Variants in MYL2 observed in about 807,000 individuals in gnomAD.
MYL2 encodes myosin light chain 2, also known as myosin regulatory light chain 2, ventricular/cardiac muscle isoform.
A neutral mutation model predicts 23.0 loss-of-function variants in MYL2; 19 were observed. The observed-to-expected ratio is 0.83, with a 90% confidence interval of 0.58 to 1.21. The LOEUF (loss-of-function observed/expected upper bound fraction) is 1.21. Ranked by LOEUF, MYL2 falls within the 50% of genes most tolerant of loss-of-function variation. The pLI, the probability that MYL2 is intolerant of heterozygous loss-of-function variation, is 0.00. For missense variants in MYL2, 180 were observed against 215.1 expected (o/e 0.84, Z 1.02); for synonymous variants, 78 against 76.2 (o/e 1.02, Z -0.13).
At chr12:110,920,797 C>G, upstream of MYL2, 1 of 591,288 alleles carries the variant, frequency 1.7e-6, no homozygotes, top group Non-Finnish European at 3.0e-6. Context: ...GTCATGGTCA[C>G]GGGGAGAGAT....
At chr12:110,917,526 A>G (rs544075707) in intron 2 of MYL2, among the ~76,000 whole-genome samples, 9 of 150,608 alleles carry the variant, frequency 6.0e-5, no homozygotes, top group Non-Finnish European at 1.0e-4. Flanking sequence ...CAAACAGACC[A>G]AATGGGGAAT....
chr12:110,917,573 C>A (rs1381172912), intron 2 of MYL2, among the ~76,000 whole-genome samples: 1 of 152,136 alleles, frequency 6.6e-6, no homozygotes. Context: ...CATCCCTTAC[C>A]CACACCGCCG....
At chr12:110,919,329 A>G (rs564369263) in intron 1 of MYL2, 136 bp from the exon 2 acceptor site, 52 of 687,286 alleles carry the variant, frequency 7.6e-5, no homozygotes, top group African/African-American at 7.5e-4. Context: ...CAGCATCCAC[A>G]CTCAGGTCTC....
rs1592798319 is a variant in MYL2 at position 110,910,978 on chromosome 12, A to C, written c.*99T>G. ...GGATAAATGGGGCAGCCACATGGCT[A>C]ACAGACAAGGTAGGGACAGAGGCGG... is the stretch of plus-strand genomic sequence containing the variant. On this transcript the variant is annotated 3_prime_UTR_variant, in exon 7 of 7. Coordinates refer to ENST00000228841, the MANE Select transcript of MYL2 (RefSeq NM_000432.4). 1.8e-6 allele frequency: 2 copies of C among 1,136,834 alleles called. No homozygotes were observed. The highest frequency in any genetic ancestry group is 3.4e-5 in the Admixed American group (2 of 58,736). 70.4% of individuals were successfully genotyped at this position (1,136,834 alleles called of 1,614,324 possible). A position where few individuals can be genotyped will look rare whatever the true frequency, so the allele number is the denominator to read the frequency against.
chr12:110,912,446 C>T (rs556209870), intron 6 of MYL2, among the ~76,000 whole-genome samples: 4 of 152,368 alleles, frequency 2.6e-5, no homozygotes, highest in South Asian at 2.1e-4. Context: ...CGGCCCTTCA[C>T]GCCATAATAA....
rs199474807 is a variant in MYL2, at chr12:110,915,749, G to T, written c.135C>A (p.Asp45Glu). 6.2e-7 allele frequency: 1 copy of T among 1,614,048 alleles called. No homozygotes were observed. The highest frequency in any genetic ancestry group is 1.3e-5 in the African/African-American group (1 of 74,932). ...IMDQNRDGFI[D>E]KNDLRDTFAA... ...CAAAGGTGTCTCTCAGATCGTTCTTGTCAATGAAGCCATCCCTGTTCTGGT... is the reference window on the plus strand; with the variant it reads ...CAAAGGTGTCTCTCAGATCGTTCTTTTCAATGAAGCCATCCCTGTTCTGGT... The change falls in exon 3 of 7, where the codon GAC becomes GAA. Residue 45 changes from aspartate (D) to glutamate (E), a missense_variant. Asp to Glu is a conservative substitution (Grantham distance 45). Coordinates refer to ENST00000228841, the MANE Select transcript of MYL2 (RefSeq NM_000432.4).
chr12:110,913,015 T>G, intron 6 of MYL2, 81 bp downstream of exon 6: 1 of 1,499,000 alleles, frequency 6.7e-7, no homozygotes, highest in Non-Finnish European at 9.3e-7. Flanking sequence ...CAGGGGTGCT[T>G]TAGACGAGAG....
intron 6 of MYL2, 64 bp from the exon 7 acceptor site, chr12:110,911,239 GC>G: frequency 4.0e-6 from 2 of 502,566 alleles, no homozygotes; most frequent in Non-Finnish European, 7.4e-6. Context: ...AGGGTGGGGG[GC>G]TGTGGGCGGG....
At chr12:110,920,171 C>A (rs1163515295) in intron 1 of MYL2, among the ~76,000 whole-genome samples, 2 of 152,186 alleles carry the variant, frequency 1.3e-5, no homozygotes, top group South Asian at 2.1e-4. Context: ...CAAAAACATT[C>A]TTTTTCCCAG....
intron 1 of MYL2, 136 bp from the exon 2 acceptor site, chr12:110,919,329 A>C: frequency 2.9e-6 from 2 of 687,286 alleles, no homozygotes; most frequent in Non-Finnish European, 5.0e-6. Context: ...CAGCATCCAC[A>C]CTCAGGTCTC....
At position 110,914,310 on chromosome 12, in the gene MYL2, C is replaced by A; in HGVS notation, c.170-20G>T. 1.3e-6 allele frequency: 2 copies of A among 1,565,450 alleles called. No individual in the cohort carries two copies. Among genetic ancestry groups the A allele is most frequent in the Non-Finnish European group, 1.8e-6 (2 of 1,135,736 alleles). On this transcript the variant is annotated intron_variant, in intron 3 of 6. Transcript: ENST00000228841. ...CTCGCCCTAGGGTAGGAAACACACACTCAGGGACTCCGAGCTGGGGAGAAA... is the reference window on the plus strand; with the variant it reads ...CTCGCCCTAGGGTAGGAAACACACAATCAGGGACTCCGAGCTGGGGAGAAA...
chr12:110,917,188 CT>C (rs1271517493), intron 2 of MYL2, among the ~76,000 whole-genome samples: 4 of 152,106 alleles, frequency 2.6e-5, no homozygotes, highest in Non-Finnish European at 5.9e-5. Flanking sequence ...TTATAAAGTT[CT>C]GAGAATCTCC....
chr12:110,916,275 G>C lies in MYL2; in HGVS notation c.94-485C>G, dbSNP rs536056124. Among the ~76,000 whole-genome samples the C allele has an allele frequency of 5.0e-4, 76 of 152,362 alleles. 1 individual carries two copies. The South Asian group carries it at 0.015, about 29-fold the overall frequency. ...TGCTTGAACCCAGGAGGCAGAGCTT[G>C]CAGTGAGCTGAGATCATGCCACTGC... On this transcript the variant is annotated intron_variant, in intron 2 of 6. Transcript: ENST00000228841.
chr12:110,913,687 A>T (rs2071669343), intron 4 of MYL2, among the ~76,000 whole-genome samples: 1 of 152,230 alleles, frequency 6.6e-6, no homozygotes, highest in Non-Finnish European at 1.5e-5. Context: ...TAATGCATAT[A>T]AAGTGGTTAG....
chr12:110,919,032 T>C, intron 2 of MYL2, 72 bp downstream of exon 2: 2 of 1,419,746 alleles, frequency 1.4e-6, no homozygotes, highest in Non-Finnish European at 2.0e-6. Flanking sequence ...GCTGGGAATA[T>C]GGAACAAAAA....
Position 110,911,071 on chromosome 12 carries a change from C to T in MYL2, c.*6G>A. ...ACGAGCCCAGGGCGCAGCAGCGAGC[C>T]CCCTCCTAGTCCTTCTCTTCTCCGT... is the stretch of plus-strand genomic sequence containing the variant. On this transcript the variant is annotated 3_prime_UTR_variant, in exon 7 of 7. Transcript: ENST00000228841. 6.2e-7 allele frequency: 1 copy of T among 1,613,104 alleles called. No homozygotes were observed. Among genetic ancestry groups the T allele is most frequent in the Non-Finnish European group, 8.5e-7 (1 of 1,179,158 alleles).
At chr12:110,919,963 G>C (rs1467367511) in intron 1 of MYL2, among the ~76,000 whole-genome samples, 4 of 152,138 alleles carry the variant, frequency 2.6e-5, no homozygotes, top group Non-Finnish European at 4.4e-5. Context: ...CACACACACA[G>C]AAGGCAGAGC....
chr12:110,913,525 C>T (rs1217325175), intron 4 of MYL2, among the ~76,000 whole-genome samples: 1 of 152,332 alleles, frequency 6.6e-6, no homozygotes, highest in South Asian at 2.1e-4. Context: ...CAAACATCAT[C>T]TAGATTTGAA....
intron 6 of MYL2, 31 bp from the exon 7 acceptor site, chr12:110,911,206 C>A: frequency 1.1e-6 from 1 of 873,838 alleles, no homozygotes; most frequent in Non-Finnish European, 1.7e-6. Context: ...GTGCTAAGGA[C>A]GAGGGGAGGG....
Sources: allele counts gnomAD v4.1 joint callset (sites outside exome capture counted in the v4.1 genomes callset), GRCh38; gene constraint gnomAD v4.1.1; transcripts MANE v1.5; gene names NCBI Gene and HGNC (gene_info 2026-07-23, HGNC 2026-07-21).